The following CSMD2 variants were observed in gnomAD, a reference collection of about 807,000 sequenced individuals.
CSMD2 encodes CUB and Sushi multiple domains 2.
In CSMD2, 130 loss-of-function variants were observed where a neutral mutation model predicts 398.5. That is an observed-to-expected ratio of 0.33 (90% CI 0.28 to 0.38). The LOEUF (loss-of-function observed/expected upper bound fraction) is 0.38, where lower values mean the gene tolerates loss of function less well. CSMD2 is among the 10% of genes least tolerant of loss of function. The pLI, the probability that CSMD2 is intolerant of heterozygous loss-of-function variation, is 1.00. For synonymous variants in CSMD2, 1,828 were observed against 1,908.5 expected (o/e 0.96, Z 1.10); for missense variants, 3,829 against 4,764.9 (o/e 0.80, Z 5.78).
At chr1:33,824,028 T>C (rs1364143585) in intron 7 of CSMD2, among the ~76,000 whole-genome samples, 1 of 152,078 alleles carries the variant, frequency 6.6e-6, no homozygotes, top group Non-Finnish European at 1.5e-5. Context: ...CTGGCAACAC[T>C]CTTGGGAGGA....
Position 33,525,044 on chromosome 1 carries a change from C to T in CSMD2, c.10235-1G>A. 1 of 1,614,138 alleles carries T rather than the reference C, an allele frequency of 6.2e-7. No homozygotes were observed. The highest frequency in any genetic ancestry group is 8.5e-7 in the Non-Finnish European group (1 of 1,180,000). ...TTCTTGGCAAAAACATCCCCAGGAA[C>T]TAGAGGAATTGAGAAATAGATGTGA... On this transcript the variant is annotated splice_acceptor_variant, in intron 65 of 70. Transcript: ENST00000373381. LOFTEE classifies it high-confidence loss of function.
At chr1:33,613,014 G>T (rs1232329540) in intron 40 of CSMD2, among the ~76,000 whole-genome samples, 7 of 152,220 alleles carry the variant, frequency 4.6e-5, no homozygotes, top group African/African-American at 1.7e-4. Flanking sequence ...CTTTAAGGAT[G>T]GCGGAATTTC....
In CSMD2 at chr1:33,600,930, T is replaced by C. The variant is rs1427044493; in HGVS notation, c.6791A>G (p.Asn2264Ser). The C allele has an allele frequency of 2.5e-6, 4 of 1,613,844 alleles. No individual in the cohort carries two copies. The highest frequency in any genetic ancestry group is 2.7e-5 in the African/African-American group (2 of 74,838). ...MAKKTVQSSSNQVLLKFHRDA... is the reference protein window; with the variant it reads ...MAKKTVQSSSSQVLLKFHRDA... ...ACGGTGGAACTTGAGCAGGACCTGG[T>C]TGGATGAACTCTGCACTGTTTTCTT... Residue 2264 changes from asparagine to serine, a missense_variant, in exon 44 of 71, where the codon AAC becomes AGC. Around this residue, in one of 5 missense-constraint regions of CSMD2, gnomAD observed 723 missense variants for 758.6 expected, o/e 0.95. Coordinates refer to ENST00000373381, the MANE Select transcript of CSMD2 (RefSeq NM_001281956.2).
At chr1:33,849,244 T>C (rs958901727) in intron 5 of CSMD2, among the ~76,000 whole-genome samples, 3 of 151,916 alleles carry the variant, frequency 2.0e-5, no homozygotes, top group South Asian at 2.1e-4. Flanking sequence ...TATCAAAGAA[T>C]TGGGGGCTTA....
At chr1:33,850,542 C>T (rs1638630982) in intron 5 of CSMD2, among the ~76,000 whole-genome samples, 1 of 152,174 alleles carries the variant, frequency 6.6e-6, no homozygotes. Flanking sequence ...TGTTCCTCTT[C>T]TCCCCCCTCC....
At chr1:33,730,646 C>G (rs1646689118) in intron 15 of CSMD2, among the ~76,000 whole-genome samples, 1 of 150,982 alleles carries the variant, frequency 6.6e-6, no homozygotes. Flanking sequence ...AAACTATTCT[C>G]TGTAATTATA....
chr1:33,831,994 G>A (rs1267233410), intron 6 of CSMD2, among the ~76,000 whole-genome samples: 1 of 152,078 alleles, frequency 6.6e-6, no homozygotes, highest in African/African-American at 2.4e-5. Flanking sequence ...CAATACAGGA[G>A]CACCCGGGTT....
chr1:33,594,700 A>C (rs546852723), intron 44 of CSMD2, among the ~76,000 whole-genome samples: 1 of 151,390 alleles, frequency 6.6e-6, no homozygotes, highest in African/African-American at 2.4e-5. Context: ...CCTTCTCCCT[A>C]TTTGGGTTGA....
At position 33,717,351 on chromosome 1, in the gene CSMD2, G is replaced by A. The variant is rs192312301; in HGVS notation, c.3002-850C>T. On this transcript the variant is annotated intron_variant, in intron 19 of 70. Coordinates refer to ENST00000373381, the MANE Select transcript of CSMD2 (RefSeq NM_001281956.2). Reference sequence around the variant, plus strand: ...GATCAGTTATATTGGTGGCTGCTCTGCACTGGGAGAGGATGGGGCTTGGCA... The same window carrying A: ...GATCAGTTATATTGGTGGCTGCTCTACACTGGGAGAGGATGGGGCTTGGCA... Among the ~76,000 whole-genome samples, 35 of 152,196 alleles carry A rather than the reference G, an allele frequency of 2.3e-4. No individual in the cohort carries two copies. The Middle Eastern group carries it at 0.014, about 59-fold the overall frequency.
chr1:33,680,373 C>T (rs1312870913), intron 25 of CSMD2, among the ~76,000 whole-genome samples: 1 of 152,042 alleles, frequency 6.6e-6, no homozygotes, highest in African/African-American at 2.4e-5. Flanking sequence ...TTTACGGCTC[C>T]TGCTTTCCCT....
At chr1:33,975,398 G>GTTT in intron 3 of CSMD2, among the ~76,000 whole-genome samples, 1 of 151,884 alleles carries the variant, frequency 6.6e-6, no homozygotes. Context: ...CAGTATCAGG[G>GTTT]ACATAATACA....
In CSMD2 at chr1:34,163,883, G is replaced by C. The variant is rs1376593967; in HGVS notation, c.187+1028C>G. 6.6e-6 allele frequency among the ~76,000 whole-genome samples: 1 copy of C among 152,140 alleles called. No individual in the cohort carries two copies. The highest frequency in any genetic ancestry group is 1.5e-5 in the Non-Finnish European group (1 of 68,012). The stretch of plus-strand genomic sequence containing the variant: ...GCTTCGGAGGGGTGCTGTGGGTAAA[G>C]CGGGAGGGCACCAGTCGCGGCCAGT... On this transcript the variant is annotated intron_variant, in intron 1 of 70. Coordinates refer to ENST00000373381, the MANE Select transcript of CSMD2 (RefSeq NM_001281956.2). This position sits in a 1 kb window ranked among gnomAD's most constrained non-coding sequence, Gnocchi z 5.4.
At chr1:33,917,951 G>A in intron 5 of CSMD2, 143 bp downstream of exon 5, 1 of 633,092 alleles carries the variant, frequency 1.6e-6, no homozygotes, top group Non-Finnish European at 2.7e-6. Context: ...ATTAGGATGA[G>A]ATGAAAGGAC....
chr1:33,936,531 T>C (rs932649948), intron 3 of CSMD2, among the ~76,000 whole-genome samples: 2 of 152,178 alleles, frequency 1.3e-5, no homozygotes, highest in African/African-American at 4.8e-5. Context: ...CTCATCAGCC[T>C]GACTGGTTTA....
At chr1:33,984,493 C>T (rs1646280669) in intron 3 of CSMD2, among the ~76,000 whole-genome samples, 1 of 152,286 alleles carries the variant, frequency 6.6e-6, no homozygotes, top group Admixed American at 6.5e-5. Flanking sequence ...TTTAAGAAAA[C>T]AAATCCCTCC....
intron 39 of CSMD2, 38 bp from the exon 40 acceptor site, chr1:33,614,658 T>C (rs936391358): frequency 2.4e-6 from 3 of 1,241,130 alleles, no homozygotes; most frequent in Non-Finnish European, 3.5e-6. Flanking sequence ...CAGGACAACA[T>C]CAAGGGGTGT....
rs754197213 is a variant in CSMD2 at position 33,577,268 on chromosome 1, T to C, written c.7576+28A>G. On this transcript the variant is annotated intron_variant, in intron 49 of 70. Coordinates refer to ENST00000373381, the MANE Select transcript of CSMD2 (RefSeq NM_001281956.2). Reference sequence around the variant, plus strand: ...GATATGAGTTGGATCCGAGCTACCTTGTGACCCCCTTTCCACCTGCTTCTC... The same window carrying C: ...GATATGAGTTGGATCCGAGCTACCTCGTGACCCCCTTTCCACCTGCTTCTC... 3 of 1,575,192 alleles carry C rather than the reference T, an allele frequency of 1.9e-6. No individual in the cohort carries two copies. The East Asian group carries it at 6.8e-5, about 36-fold the overall frequency.
chr1:33,594,472 C>G (rs1639705255), intron 44 of CSMD2, among the ~76,000 whole-genome samples: 1 of 152,206 alleles, frequency 6.6e-6, no homozygotes, highest in Admixed American at 6.5e-5. Context: ...ACTCCTCACC[C>G]TTACAAGTTG....
intron 3 of CSMD2, among the ~76,000 whole-genome samples, chr1:33,980,468 T>A (rs1221375378): frequency 6.6e-6 from 1 of 152,202 alleles, no homozygotes; most frequent in East Asian, 1.9e-4. Flanking sequence ...AGACAAAGAA[T>A]GATTCATTCA....
Sources: gnomAD v4.1 joint callset for allele counts (sites outside exome capture counted in the v4.1 genomes callset) on GRCh38, gnomAD v4.1.1 for gene constraint, gnomAD v4.1.1 regional missense constraint, Gnocchi (gnomAD v3.1) non-coding constraint, MANE v1.5 for transcripts, NCBI Gene and HGNC (gene_info 2026-07-23, HGNC 2026-07-21) for gene names.